Variants in FRK observed in about 807,000 individuals in gnomAD.
FRK encodes the protein tyrosine-protein kinase FRK.
A neutral mutation model predicts 56.4 loss-of-function variants in FRK; 51 were observed. That is an observed-to-expected ratio of 0.90 (90% CI 0.72 to 1.14). FRK has a LOEUF of 1.14. Among genes scored for constraint, FRK ranks in the 50% most tolerant of loss-of-function variants. The pLI is 0.00. For missense variants in FRK, 570 were observed against 601.4 expected (o/e 0.95, Z 0.55); for synonymous variants, 245 against 217.9 (o/e 1.12, Z -1.10).
chr6:115,992,525 T>C (rs1456287758), intron 2 of FRK, among the ~76,000 whole-genome samples: 1 of 151,738 alleles, frequency 6.6e-6, no homozygotes, highest in Non-Finnish European at 1.5e-5. Context: ...GAAAATTTCT[T>C]TTCTATATAA....
Position 116,003,952 on chromosome 6 carries a change from A to C in FRK, c.391T>G (p.Leu131Val). 1 of 1,613,280 alleles carries C rather than the reference A, an allele frequency of 6.2e-7. No homozygotes were observed. Among genetic ancestry groups the C allele is most frequent in the Non-Finnish European group, 8.5e-7 (1 of 1,179,454 alleles). ...IGRSDAEKQL[L>V]YSENKTGSFL... ...GAACCGGTCTTGTTTTCTGAATATA[A>C]TAGTTGTTTCTCTGCATCTGATCTT... The change falls in exon 2 of 8, where the codon TTA becomes GTA. Residue 131 changes from leucine (L) to valine (V), a missense_variant. By Grantham distance (32) the Leu-to-Val change is conservative. Transcript: ENST00000606080.
At chr6:116,084,210 C>G in the FRK span, among the ~76,000 whole-genome samples, 1 of 152,020 alleles carries the variant, frequency 6.6e-6, no homozygotes, top group Non-Finnish European at 1.5e-5. Flanking sequence ...TGAATGCAGA[C>G]AATAAAAAGA....
rs1562244764 is a variant in FRK, at chr6:115,939,912, A to C, written c.*2502T>G. On this transcript the variant is annotated 3_prime_UTR_variant, in exon 8 of 8. Coordinates refer to ENST00000606080, the MANE Select transcript of FRK (RefSeq NM_002031.3). ...GAAAATGGCCATATTGCCCAAGGCAATTTATATATTCAGTGCTATCCCCAT... is the reference window on the plus strand; with the variant it reads ...GAAAATGGCCATATTGCCCAAGGCACTTTATATATTCAGTGCTATCCCCAT... The C allele has an allele frequency of 6.6e-6, 1 of 152,212 alleles. No homozygotes were observed. Among genetic ancestry groups the C allele is most frequent in the Non-Finnish European group, 1.5e-5 (1 of 68,040 alleles). The allele number at this position is 152,212 out of a possible 1,614,324, so 9.4% of individuals were successfully genotyped here.
At chr6:116,021,447 T>C (rs991944023) in intron 1 of FRK, among the ~76,000 whole-genome samples, 1 of 152,076 alleles carries the variant, frequency 6.6e-6, no homozygotes, top group African/African-American at 2.4e-5. Context: ...ATTCAAAGGT[T>C]ATGAGTAAAA....
chr6:116,092,568 G>A, the FRK span, among the ~76,000 whole-genome samples: 11 of 152,238 alleles, frequency 7.2e-5, no homozygotes, highest in South Asian at 1.5e-3. Context: ...CATCAGTAAG[G>A]GCCACTAAAT....
intron 1 of FRK, among the ~76,000 whole-genome samples, chr6:116,013,220 TC>T (rs35572012): frequency 6.6e-6 from 1 of 152,168 alleles, no homozygotes; most frequent in Non-Finnish European, 1.5e-5. Context: ...TGAATCCACT[TC>T]CCTGAGTCTG....
chr6:116,067,915 G>T, the FRK span, among the ~76,000 whole-genome samples: 1 of 152,126 alleles, frequency 6.6e-6, no homozygotes, highest in African/African-American at 2.4e-5. Flanking sequence ...TAAGCAGACC[G>T]CAAACAATTT....
At chr6:116,030,008 C>T (rs190261723) in intron 1 of FRK, among the ~76,000 whole-genome samples, 14 of 152,088 alleles carry the variant, frequency 9.2e-5, no homozygotes, top group Non-Finnish European at 1.9e-4. Context: ...TAAATTCTTA[C>T]TCTTTGAAAT....
Position 115,997,235 on chromosome 6 carries a change from G to A in FRK, c.466+6642C>T, listed in dbSNP as rs900921445. Reference sequence around the variant, plus strand: ...CTTTGAAGAGCAAAACATGTATTTCGTTCTGAAAATTCTAATATGCTTATT... The same window carrying A: ...CTTTGAAGAGCAAAACATGTATTTCATTCTGAAAATTCTAATATGCTTATT... On this transcript the variant is annotated intron_variant, in intron 2 of 7. Transcript: ENST00000606080. 8.5e-5 allele frequency among the ~76,000 whole-genome samples: 13 copies of A among 152,060 alleles called. 1 individual carries two copies. Among genetic ancestry groups the A allele is most frequent in the South Asian group, 6.2e-4 (3 of 4,830 alleles).
chr6:115,954,657 G>C (rs991690019), intron 5 of FRK, among the ~76,000 whole-genome samples: 3 of 152,140 alleles, frequency 2.0e-5, no homozygotes, highest in Non-Finnish European at 4.4e-5. Context: ...ATCTTGAGAT[G>C]TCTAATAGAC....
upstream of FRK, among the ~76,000 whole-genome samples, chr6:116,064,274 C>A (rs1173947808): frequency 6.6e-6 from 1 of 152,128 alleles, no homozygotes; most frequent in African/African-American, 2.4e-5. Flanking sequence ...CCTCTATGCA[C>A]CCCTAAATTC....
intron 1 of FRK, among the ~76,000 whole-genome samples, chr6:116,024,497 T>A (rs2114744328): frequency 6.6e-6 from 1 of 150,448 alleles, no homozygotes; most frequent in Non-Finnish European, 1.5e-5. Flanking sequence ...TTCCCACCTA[T>A]GAGTGAGAAT....
At chr6:115,957,258 G>A (rs896009932) in intron 4 of FRK, among the ~76,000 whole-genome samples, 1 of 152,140 alleles carries the variant, frequency 6.6e-6, no homozygotes, top group Non-Finnish European at 1.5e-5. Flanking sequence ...AAATGGAGGA[G>A]AGACAATATT....
chr6:116,065,971 C>T, the FRK span, among the ~76,000 whole-genome samples: 29,811 of 152,172 alleles, frequency 0.2, 3,822 homozygotes, highest in Middle Eastern at 0.35. Context: ...CTCTGTATCA[C>T]AAGGAAAATC....
chr6:115,997,830 C>A (rs1188136330), intron 2 of FRK, among the ~76,000 whole-genome samples: 1 of 152,162 alleles, frequency 6.6e-6, no homozygotes, highest in South Asian at 2.1e-4. Context: ...GTTCACTAGG[C>A]CTGTCCCACT....
intron 2 of FRK, among the ~76,000 whole-genome samples, chr6:115,998,536 G>T (rs1774928981): frequency 6.6e-6 from 1 of 152,084 alleles, no homozygotes; most frequent in Non-Finnish European, 1.5e-5. Flanking sequence ...ACAACTCTGT[G>T]CATTTGTCTT....
the FRK span, among the ~76,000 whole-genome samples, chr6:116,075,550 C>A: frequency 1.3e-5 from 2 of 150,866 alleles, no homozygotes; most frequent in Non-Finnish European, 2.9e-5. Context: ...TTGTTTCAGT[C>A]AAAGGATCAA....
chr6:116,090,274 T>G, the FRK span, among the ~76,000 whole-genome samples: 1 of 152,200 alleles, frequency 6.6e-6, no homozygotes, highest in Non-Finnish European at 1.5e-5. Context: ...AGGTCCTGAT[T>G]TGCATTTAGA....
the FRK span, among the ~76,000 whole-genome samples, chr6:116,081,484 C>G: frequency 6.6e-6 from 1 of 151,942 alleles, no homozygotes; most frequent in African/African-American, 2.4e-5. Context: ...TGGTGAAAAC[C>G]CTGTCTCTAA....
Sources: gnomAD v4.1 joint callset for allele counts (sites outside exome capture counted in the v4.1 genomes callset) on GRCh38, gnomAD v4.1.1 for gene constraint, MANE v1.5 for transcripts, NCBI Gene and HGNC (gene_info 2026-07-23, HGNC 2026-07-21) for gene names.